The following SLC35A1 variants were observed in gnomAD, a reference collection of about 807,000 sequenced individuals.
SLC35A1 encodes CMP-sialic acid transporter.
In SLC35A1, 21 loss-of-function variants were observed where a neutral mutation model predicts 40.3. The observed-to-expected ratio is 0.52, with a 90% CI of 0.37 to 0.75. The LOEUF (loss-of-function observed/expected upper bound fraction) is 0.75, where lower values mean the gene tolerates loss of function less well. Ranked by LOEUF, SLC35A1 falls within the 30% of genes least tolerant of loss-of-function variation. The pLI, the probability that SLC35A1 is intolerant of heterozygous loss-of-function variation, is 0.00. For synonymous variants in SLC35A1, 146 were observed against 147.3 expected (o/e 0.99, Z 0.06); for missense variants, 297 against 382.1 (o/e 0.78, Z 1.86).
At chr6:87,483,741 C>G (rs557258662) in intron 2 of SLC35A1, among the ~76,000 whole-genome samples, 1 of 152,278 alleles carries the variant, frequency 6.6e-6, no homozygotes, top group East Asian at 1.9e-4. Flanking sequence ...CTTGACTTGC[C>G]TATCCTGGGA....
chr6:87,497,893 AGT>A (rs1769791832), intron 2 of SLC35A1, among the ~76,000 whole-genome samples: 3 of 125,610 alleles, frequency 2.4e-5, no homozygotes, highest in East Asian at 4.4e-4. Context: ...CACTCCTGGC[AGT>A]TTTTTTTTTT....
At chr6:87,490,637 G>T (rs1044162955) in intron 2 of SLC35A1, among the ~76,000 whole-genome samples, 1 of 152,204 alleles carries the variant, frequency 6.6e-6, no homozygotes, top group Middle Eastern at 3.4e-3. Context: ...TTTCTTTCAC[G>T]TTGGGGTAAA....
intron 2 of SLC35A1, among the ~76,000 whole-genome samples, chr6:87,485,146 T>C (rs373767374): frequency 6.6e-6 from 1 of 152,202 alleles, no homozygotes; most frequent in East Asian, 1.9e-4. Context: ...TTTGCTGTGA[T>C]GGAGAGGCTT....
intron 4 of SLC35A1, among the ~76,000 whole-genome samples, chr6:87,502,122 C>T (rs1769938763): frequency 6.6e-6 from 1 of 152,142 alleles, no homozygotes; most frequent in Non-Finnish European, 1.5e-5. Context: ...TCCAGGTCCC[C>T]TCCTTCCCCA....
At chr6:87,475,021 T>C (rs894263160) in intron 1 of SLC35A1, among the ~76,000 whole-genome samples, 5 of 152,228 alleles carry the variant, frequency 3.3e-5, no homozygotes, top group African/African-American at 1.2e-4. Context: ...TTATCAGCCC[T>C]AACTTCTCTT....
intron 1 of SLC35A1, among the ~76,000 whole-genome samples, chr6:87,474,617 T>C (rs1769016182): frequency 6.6e-6 from 1 of 152,234 alleles, no homozygotes; most frequent in Non-Finnish European, 1.5e-5. Context: ...TGCTAATAAC[T>C]GAAGTTTTAT....
chr6:87,487,642 A>G (rs922239841), intron 2 of SLC35A1, among the ~76,000 whole-genome samples: 1 of 152,244 alleles, frequency 6.6e-6, no homozygotes, highest in African/African-American at 2.4e-5. Flanking sequence ...TCTTATACTT[A>G]GGAACATCAG....
chr6:87,477,306 CTT>C (rs1193664753), intron 1 of SLC35A1, 54 bp from the exon 2 acceptor site: 6 of 1,384,918 alleles, frequency 4.3e-6, no homozygotes, highest in Non-Finnish European at 6.1e-6. Context: ...AGTTTATTAA[CTT>C]ATATATACAT....
chr6:87,497,895 T>A (rs1341345724), intron 2 of SLC35A1, among the ~76,000 whole-genome samples: 1 of 52,918 alleles, frequency 1.9e-5, no homozygotes, highest in Admixed American at 2.5e-4. Context: ...CTCCTGGCAG[T>A]TTTTTTTTTT....
At chr6:87,501,959 G>A (rs1769934617) in intron 4 of SLC35A1, among the ~76,000 whole-genome samples, 1 of 152,134 alleles carries the variant, frequency 6.6e-6, no homozygotes, top group South Asian at 2.1e-4. Flanking sequence ...AAGAGAAACA[G>A]GAAATGGGAT....
In SLC35A1 at chr6:87,478,238, G is replaced by A. The variant is rs1456624640; in HGVS notation, c.194+699G>A. 2.6e-5 allele frequency among the ~76,000 whole-genome samples: 4 copies of A among 152,182 alleles called. No individual in the cohort carries two copies. The South Asian group carries it at 6.2e-4, about 24-fold the overall frequency. On this transcript the variant is annotated intron_variant, in intron 2 of 7. Coordinates refer to ENST00000369552, the MANE Select transcript of SLC35A1 (RefSeq NM_006416.5). ...GGTATAAGAGAGGGTTAAGAATTAG[G>A]GGCATTGGAGGAGATAGACCTAATT...
chr6:87,505,418 G>A (rs1004557341), intron 4 of SLC35A1, among the ~76,000 whole-genome samples: 1 of 152,202 alleles, frequency 6.6e-6, no homozygotes, highest in Non-Finnish European at 1.5e-5. Flanking sequence ...GGATCTGTGA[G>A]CACTGGTCTC....
chr6:87,504,280 A>G (rs1770013733), intron 4 of SLC35A1, among the ~76,000 whole-genome samples: 1 of 152,030 alleles, frequency 6.6e-6, no homozygotes, highest in Admixed American at 6.6e-5. Flanking sequence ...AGAAAAAAAA[A>G]AAAAAAAGCT....
At chr6:87,493,506 T>C (rs78774696) in intron 2 of SLC35A1, among the ~76,000 whole-genome samples, 13,582 of 152,114 alleles carry the variant, frequency 0.089, 635 homozygotes, top group African/African-American at 0.12. Flanking sequence ...TCTACATTGA[T>C]TGATACCACA....
intron 2 of SLC35A1, among the ~76,000 whole-genome samples, chr6:87,489,994 C>G (rs183949146): frequency 6.6e-6 from 1 of 151,860 alleles, no homozygotes; most frequent in African/African-American, 2.4e-5. Context: ...TTTGGGAGGC[C>G]GAGGTGGGTG....
At chr6:87,493,622 C>G (rs886545475) in intron 2 of SLC35A1, among the ~76,000 whole-genome samples, 2 of 152,224 alleles carry the variant, frequency 1.3e-5, no homozygotes, top group Admixed American at 6.5e-5. Flanking sequence ...AAGATGTTTA[C>G]TTATTTGCTC....
At position 87,511,617 on chromosome 6, in the gene SLC35A1, AAAAATT is replaced by A; in HGVS notation, c.*94_*99del. On this transcript the variant is annotated 3_prime_UTR_variant, in exon 8 of 8. Transcript: ENST00000369552. ...ATCTCAGAAGGTAGCATAAACAAAT[AAAAATT>A]AACTGTATGGCATGATCAGTGCGGT... 1 of 1,387,462 alleles carries A rather than the reference AAAAATT, an allele frequency of 7.2e-7. No individual in the cohort carries two copies. The highest frequency in any genetic ancestry group is 1.4e-5 in the African/African-American group (1 of 70,486). 85.9% of individuals were successfully genotyped at this position (1,387,462 alleles called of 1,614,324 possible).
At chr6:87,489,995 G>C (rs948891087) in intron 2 of SLC35A1, among the ~76,000 whole-genome samples, 1 of 152,048 alleles carries the variant, frequency 6.6e-6, no homozygotes, top group African/African-American at 2.4e-5. Flanking sequence ...TTGGGAGGCC[G>C]AGGTGGGTGG....
chr6:87,501,567 A>G (rs532156334), intron 4 of SLC35A1, among the ~76,000 whole-genome samples: 1 of 152,266 alleles, frequency 6.6e-6, no homozygotes, highest in Admixed American at 6.5e-5. Context: ...CATCCCCTCC[A>G]TTTTATGGAT....
Sources: allele counts gnomAD v4.1 joint callset (sites outside exome capture counted in the v4.1 genomes callset), GRCh38; gene constraint gnomAD v4.1.1; transcripts MANE v1.5; gene names NCBI Gene and HGNC (gene_info 2026-07-23, HGNC 2026-07-21).